ENTREP2: variants seen among roughly 807,000 people sequenced by gnomAD.
ENTREP2 encodes endosomal transmembrane epsin interactor 2, also known as protein ENTREP2.
the ENTREP2 span, among the ~76,000 whole-genome samples, chr15:29,509,397 A>T: frequency 1.3e-5 from 2 of 152,160 alleles, no homozygotes. Flanking sequence ...ATTAGAAAAA[A>T]ATTACTTTAA....
At chr15:29,665,103 A>T in the ENTREP2 span, among the ~76,000 whole-genome samples, 1 of 152,192 alleles carries the variant, frequency 6.6e-6, no homozygotes, top group Non-Finnish European at 1.5e-5. Flanking sequence ...GTTCATGGCT[A>T]GCCCTGCCCT....
the ENTREP2 span, among the ~76,000 whole-genome samples, chr15:29,304,727 C>T: frequency 6.6e-6 from 1 of 152,158 alleles, no homozygotes; most frequent in Non-Finnish European, 1.5e-5. Flanking sequence ...CAGTTTCCTT[C>T]CCTCTCCCTT....
the ENTREP2 span, among the ~76,000 whole-genome samples, chr15:29,326,207 A>T: frequency 6.6e-6 from 1 of 152,174 alleles, no homozygotes; most frequent in Non-Finnish European, 1.5e-5. Flanking sequence ...GTTCAACATC[A>T]TATTAGAAGT....
At chr15:29,328,404 A>C in the ENTREP2 span, among the ~76,000 whole-genome samples, 1 of 152,234 alleles carries the variant, frequency 6.6e-6, no homozygotes, top group South Asian at 2.1e-4. Flanking sequence ...CAAAGAGCTA[A>C]TCTGCAGATA....
the ENTREP2 span, chr15:29,151,704 C>G: frequency 8.0e-6 from 12 of 1,504,758 alleles, no homozygotes; most frequent in Non-Finnish European, 1.1e-5. Context: ...TTTCAAACCG[C>G]GCAGAGGAGG....
At chr15:29,500,852 A>G in the ENTREP2 span, among the ~76,000 whole-genome samples, 1 of 152,056 alleles carries the variant, frequency 6.6e-6, no homozygotes, top group Non-Finnish European at 1.5e-5. Flanking sequence ...AGCTAGGCTG[A>G]GCAAAGAAAA....
the ENTREP2 span, among the ~76,000 whole-genome samples, chr15:29,640,681 C>CAAAAAAAA: frequency 1.6e-5 from 2 of 124,294 alleles, no homozygotes; most frequent in African/African-American, 8.8e-5. Context: ...AACAAAAAAA[C>CAAAAAAAA]CAAAAAGAAA....
the ENTREP2 span, chr15:29,136,281 T>C: frequency 6.5e-6 from 9 of 1,378,212 alleles, no homozygotes; most frequent in African/African-American, 1.5e-5. Flanking sequence ...CCTGGCGCGG[T>C]GTGAGGTGCC....
chr15:29,397,586 TAAAC>T, the ENTREP2 span, among the ~76,000 whole-genome samples: 556 of 152,096 alleles, frequency 3.7e-3, 3 homozygotes, highest in African/African-American at 0.013. Context: ...AAAAGTATAA[TAAAC>T]AAAGCATGGG....
the ENTREP2 span, among the ~76,000 whole-genome samples, chr15:29,609,427 G>A: frequency 6.7e-6 from 1 of 149,948 alleles, no homozygotes; most frequent in Non-Finnish European, 1.5e-5. Flanking sequence ...ACCTCTAAGA[G>A]GTGATTAGGC....
At chr15:29,288,419 G>A in the ENTREP2 span, among the ~76,000 whole-genome samples, 1 of 152,130 alleles carries the variant, frequency 6.6e-6, no homozygotes. Context: ...TGTTGTCAGG[G>A]CCTCTACACT....
the ENTREP2 span, among the ~76,000 whole-genome samples, chr15:29,335,406 C>CG: frequency 6.6e-6 from 1 of 152,310 alleles, no homozygotes; most frequent in East Asian, 1.9e-4. Context: ...CAGTACAACA[C>CG]GTACCCCAAG....
the ENTREP2 span, among the ~76,000 whole-genome samples, chr15:29,423,403 GAGA>G: frequency 6.6e-6 from 1 of 152,074 alleles, no homozygotes; most frequent in African/African-American, 2.4e-5. Context: ...AAAAATTCTA[GAGA>G]AGAATGTAAA....
the ENTREP2 span, among the ~76,000 whole-genome samples, chr15:29,229,669 T>A: frequency 1.3e-5 from 2 of 152,314 alleles, no homozygotes; most frequent in African/African-American, 4.8e-5. Context: ...GTACTTGTTT[T>A]CTCCTGGCTT....
the ENTREP2 span, among the ~76,000 whole-genome samples, chr15:29,668,412 T>G: frequency 6.6e-6 from 1 of 152,160 alleles, no homozygotes; most frequent in African/African-American, 2.4e-5. Context: ...CACTCCTAGG[T>G]ATACCCAAGG....
chr15:29,583,910 T>G, the ENTREP2 span, among the ~76,000 whole-genome samples: 2 of 152,164 alleles, frequency 1.3e-5, no homozygotes, highest in South Asian at 4.1e-4. Context: ...AGGCCTAATG[T>G]AAGAACTAAA....
At chr15:29,480,894 G>A in the ENTREP2 span, among the ~76,000 whole-genome samples, 3,874 of 152,290 alleles carry the variant, frequency 0.025, 155 homozygotes, top group African/African-American at 0.089. Context: ...CCATGGGAAG[G>A]AGGTGAGGTG....
the ENTREP2 span, chr15:29,124,890 C>A: frequency 2.4e-6 from 2 of 833,500 alleles, no homozygotes; most frequent in Admixed American, 4.4e-5. Flanking sequence ...TGAGCTGACA[C>A]CCACCGAGCG....
chr15:29,287,222 G>A, the ENTREP2 span, among the ~76,000 whole-genome samples: 3 of 152,084 alleles, frequency 2.0e-5, no homozygotes, highest in Admixed American at 6.5e-5. Flanking sequence ...ATTTCCCCAT[G>A]GAATGGGGAA....
Sources: gnomAD v4.1 joint callset for allele counts (sites outside exome capture counted in the v4.1 genomes callset) on GRCh38, gnomAD v4.1.1 for gene constraint, MANE v1.5 for transcripts, NCBI Gene and HGNC (gene_info 2026-07-23, HGNC 2026-07-21) for gene names.